THSD7B: variants seen among roughly 807,000 people sequenced by gnomAD.
THSD7B encodes the protein thrombospondin type-1 domain-containing protein 7B.
In THSD7B, 138 loss-of-function variants were observed where a neutral mutation model predicts 213.6. The observed-to-expected ratio is 0.65, with a 90% confidence interval of 0.56 to 0.74. The LOEUF (loss-of-function observed/expected upper bound fraction) is 0.74, where lower values mean the gene tolerates loss of function less well. Ranked by LOEUF, THSD7B falls within the 30% of genes least tolerant of loss-of-function variation. The pLI is 0.00. For missense variants in THSD7B, 1,931 were observed against 1,991.5 expected (o/e 0.97, Z 0.58); for synonymous variants, 742 against 687.0 (o/e 1.08, Z -1.25).
intron 3 of THSD7B, among the ~76,000 whole-genome samples, chr2:137,086,952 A>G (rs1687852810): frequency 2.0e-5 from 3 of 152,250 alleles, no homozygotes; most frequent in African/African-American, 7.2e-5. Context: ...AAGGAGGTTC[A>G]ATACATCATC....
intron 14 of THSD7B, among the ~76,000 whole-genome samples, chr2:137,414,281 G>T (rs1333603875): frequency 1.3e-5 from 2 of 151,830 alleles, no homozygotes; most frequent in Non-Finnish European, 2.9e-5. Context: ...TCAAAAAAAG[G>T]TTTTTTAAAA....
intron 2 of THSD7B, among the ~76,000 whole-genome samples, chr2:136,981,339 A>G (rs374877241): frequency 6.6e-6 from 1 of 152,160 alleles, no homozygotes; most frequent in Admixed American, 6.5e-5. Flanking sequence ...AATATTGGAC[A>G]AAAAGATATC....
chr2:137,531,601 T>C (rs1680398498), intron 15 of THSD7B, among the ~76,000 whole-genome samples: 1 of 151,940 alleles, frequency 6.6e-6, no homozygotes, highest in South Asian at 2.1e-4. Flanking sequence ...ATAATTGGGG[T>C]AATTAACCAA....
At chr2:137,099,405 C>T (rs1198011765) in intron 4 of THSD7B, among the ~76,000 whole-genome samples, 1 of 152,136 alleles carries the variant, frequency 6.6e-6, no homozygotes, top group East Asian at 1.9e-4. Flanking sequence ...TAAAGAAAGA[C>T]AAAGAACGTA....
At chr2:137,100,747 A>G (rs1485270597) in intron 4 of THSD7B, among the ~76,000 whole-genome samples, 1 of 152,106 alleles carries the variant, frequency 6.6e-6, no homozygotes, top group African/African-American at 2.4e-5. Context: ...TATAGTAAGT[A>G]TGACAGACTC....
chr2:137,198,158 A>G (rs1249587435), intron 7 of THSD7B, among the ~76,000 whole-genome samples: 1 of 152,188 alleles, frequency 6.6e-6, no homozygotes, highest in East Asian at 1.9e-4. Flanking sequence ...CTACATAGTC[A>G]TTTATCAGAA....
At chr2:137,147,217 G>A (rs1679720592) in intron 5 of THSD7B, among the ~76,000 whole-genome samples, 1 of 152,054 alleles carries the variant, frequency 6.6e-6, no homozygotes, top group African/African-American at 2.4e-5. Flanking sequence ...GAATGCACAT[G>A]GGAAGAAGAT....
At chr2:136,912,758 A>G (rs1435340219) in intron 2 of THSD7B, among the ~76,000 whole-genome samples, 3 of 152,146 alleles carry the variant, frequency 2.0e-5, no homozygotes, top group African/African-American at 4.8e-5. Context: ...TGGTGCTGCC[A>G]TGTAAGAAGT....
intron 1 of THSD7B, among the ~76,000 whole-genome samples, chr2:136,788,533 AT>A (rs1282414606): frequency 6.6e-6 from 1 of 152,170 alleles, no homozygotes; most frequent in Non-Finnish European, 1.5e-5. Flanking sequence ...CAGGAAAAAA[AT>A]ATTCTTTTAT....
At chr2:137,633,503 G>GA (rs1682778653) in intron 20 of THSD7B, among the ~76,000 whole-genome samples, 1 of 152,148 alleles carries the variant, frequency 6.6e-6, no homozygotes, top group South Asian at 2.1e-4. Flanking sequence ...CGTAGTATCT[G>GA]ATACCTAAGA....
chr2:137,412,896 T>TC (rs543375715), intron 14 of THSD7B, among the ~76,000 whole-genome samples: 96 of 150,786 alleles, frequency 6.4e-4, no homozygotes, highest in Non-Finnish European at 9.3e-4. Context: ...TTTCTTTCTT[T>TC]TTTTTTTTTT....
At chr2:137,518,560 T>C (rs1245977331) in intron 15 of THSD7B, among the ~76,000 whole-genome samples, 1 of 152,182 alleles carries the variant, frequency 6.6e-6, no homozygotes, top group African/African-American at 2.4e-5. Flanking sequence ...AGTCAAAAAC[T>C]GTGAAGATAT....
At chr2:137,349,799 T>G (rs904343440) in intron 12 of THSD7B, among the ~76,000 whole-genome samples, 4 of 151,490 alleles carry the variant, frequency 2.6e-5, no homozygotes, top group South Asian at 2.1e-4. Flanking sequence ...GTGACAATGA[T>G]AATATGCTAA....
At chr2:137,134,090 C>A (rs961753627) in intron 5 of THSD7B, among the ~76,000 whole-genome samples, 1 of 152,176 alleles carries the variant, frequency 6.6e-6, no homozygotes. Context: ...TCATCTAAGT[C>A]ATCTCCTAAG....
intron 15 of THSD7B, among the ~76,000 whole-genome samples, chr2:137,455,745 C>G (rs145412242): frequency 0.012 from 1,764 of 152,302 alleles, 19 homozygotes; most frequent in Non-Finnish European, 0.019. Context: ...CTTGACTCTG[C>G]TTTGTATATT....
intron 1 of THSD7B, among the ~76,000 whole-genome samples, chr2:136,815,807 A>G (rs1682459786): frequency 6.6e-6 from 1 of 152,166 alleles, no homozygotes. Flanking sequence ...GACCAAAGTG[A>G]TGAGATGAGG....
rs575467346 is a variant in THSD7B, at chr2:137,254,088, C to A, written c.2266+11516C>A. Reference sequence around the variant, plus strand: ...GATTGCTCATGGTTTAGACAAACAACTTTTAAGTGTCCCCTAGTAGAAAAA... The same window carrying A: ...GATTGCTCATGGTTTAGACAAACAAATTTTAAGTGTCCCCTAGTAGAAAAA... On this transcript the variant is annotated intron_variant, in intron 10 of 27. Coordinates refer to ENST00000409968, the MANE Select transcript of THSD7B (RefSeq NM_001316349.2). Among the ~76,000 whole-genome samples the A allele has an allele frequency of 2.6e-5, 4 of 152,104 alleles. No homozygotes were observed. In the East Asian group the frequency reaches 7.7e-4, roughly 29 times the overall value.
intron 7 of THSD7B, among the ~76,000 whole-genome samples, chr2:137,193,330 A>G (rs1433811932): frequency 6.6e-6 from 1 of 152,208 alleles, no homozygotes; most frequent in Non-Finnish European, 1.5e-5. Flanking sequence ...GCGTAAATTT[A>G]TGAGGTGCAA....
chr2:136,864,850 C>T (rs1683310469), intron 1 of THSD7B, among the ~76,000 whole-genome samples: 1 of 152,164 alleles, frequency 6.6e-6, no homozygotes, highest in South Asian at 2.1e-4. Context: ...CCGTGCCTGG[C>T]CTATTTTTAT....
Sources: allele counts gnomAD v4.1 joint callset (sites outside exome capture counted in the v4.1 genomes callset), GRCh38; gene constraint gnomAD v4.1.1; transcripts MANE v1.5; gene names NCBI Gene and HGNC (gene_info 2026-07-23, HGNC 2026-07-21).